Variants in NUFIP2 observed in about 807,000 individuals in gnomAD.
NUFIP2 encodes the protein nuclear FMR1 interacting protein 2, also known as FMR1-interacting protein NUFIP2.
NUFIP2 carries 6 observed loss-of-function variants against 56.9 expected under a neutral mutation model. The observed-to-expected ratio is 0.11, with a 90% confidence interval of 0.06 to 0.21. The LOEUF (loss-of-function observed/expected upper bound fraction) is 0.21, where lower values mean the gene tolerates loss of function less well. Among genes scored for constraint, NUFIP2 ranks in the 10% least tolerant of loss-of-function variants. The pLI, the probability that NUFIP2 is intolerant of heterozygous loss-of-function variation, is 1.00. For missense variants in NUFIP2, 828 were observed against 826.8 expected, an observed-to-expected ratio of 1.00 and a Z score of -0.02; for synonymous variants, 321 against 298.2, an observed-to-expected ratio of 1.08 and a Z score of -0.79.
chr17:29,287,901 T>C (rs2069188037), intron 1 of NUFIP2, among the ~76,000 whole-genome samples, 185 bp from the exon 2 acceptor site: 1 of 152,178 alleles, frequency 6.6e-6, no homozygotes, highest in African/African-American at 2.4e-5. Flanking sequence ...AAATGCAACC[T>C]ACTGCTAAGC....
chr17:29,271,486 G>A (rs1270717743), intron 2 of NUFIP2, among the ~76,000 whole-genome samples: 1 of 151,366 alleles, frequency 6.6e-6, no homozygotes, highest in Non-Finnish European at 1.5e-5. Context: ...GCAGTGAGCC[G>A]AGATCGTGCC....
intron 2 of NUFIP2, among the ~76,000 whole-genome samples, chr17:29,283,001 T>A (rs2069149730): frequency 6.6e-6 from 1 of 152,210 alleles, no homozygotes; most frequent in Non-Finnish European, 1.5e-5. Flanking sequence ...GGAACCCAAT[T>A]GAACTGAGTA....
chr17:29,267,686 C>T (rs1467061610), intron 2 of NUFIP2, among the ~76,000 whole-genome samples, 156 bp from the exon 3 acceptor site: 1 of 152,148 alleles, frequency 6.6e-6, no homozygotes, highest in African/African-American at 2.4e-5. Flanking sequence ...ATAAAGCATT[C>T]ATATTTTCCT....
chr17:29,291,589 T>C (rs907265039), intron 1 of NUFIP2, among the ~76,000 whole-genome samples: 2 of 152,242 alleles, frequency 1.3e-5, no homozygotes, highest in Non-Finnish European at 2.9e-5. Flanking sequence ...TTTGGAGGAA[T>C]ACCACCTTGA....
chr17:29,284,702 A>T (rs866432921), intron 2 of NUFIP2, among the ~76,000 whole-genome samples: 1 of 102,020 alleles, frequency 9.8e-6, no homozygotes, highest in South Asian at 3.2e-4. Context: ...GTAAGACTCC[A>T]TCTCAAAAAA....
chr17:29,284,504 G>C (rs1480770566), intron 2 of NUFIP2, among the ~76,000 whole-genome samples: 1 of 151,884 alleles, frequency 6.6e-6, no homozygotes, highest in Non-Finnish European at 1.5e-5. Flanking sequence ...TCAGGAGTTT[G>C]AGACCAGCCT....
Position 29,287,450 on chromosome 17 carries a change from C to T in NUFIP2, c.544G>A (p.Asp182Asn). The T allele has an allele frequency of 6.2e-7, 1 of 1,614,092 alleles. No individual in the cohort carries two copies. Among genetic ancestry groups the T allele is most frequent in the South Asian group, 1.1e-5 (1 of 91,078 alleles). ...ACACCATTTGGAATTGGTATAGTAT[C>T]AGACTTATCTACAGACTGATTCTCT... The part of the protein sequence containing the change: ...SGENQSVDKS[D>N]TIPIPNGVVT... Residue 182 changes from aspartate to asparagine, a missense_variant, in exon 2 of 4, where the codon GAT becomes AAT. Physicochemically the swap from Asp to Asn is conservative, Grantham distance 23. Transcript: ENST00000225388.
At chr17:29,282,076 A>G (rs1239117316) in intron 2 of NUFIP2, among the ~76,000 whole-genome samples, 4 of 151,564 alleles carry the variant, frequency 2.6e-5, no homozygotes, top group African/African-American at 7.3e-5. Context: ...TCCCCTTTTT[A>G]TGCTCTATTG....
At chr17:29,292,822 C>A (rs1236145197) in intron 1 of NUFIP2, among the ~76,000 whole-genome samples, 1 of 148,894 alleles carries the variant, frequency 6.7e-6, no homozygotes, top group Admixed American at 6.7e-5. Flanking sequence ...CCGCCCCTCA[C>A]CCCAGGGACC....
chr17:29,271,436 C>A (rs1176603010), intron 2 of NUFIP2, among the ~76,000 whole-genome samples: 1 of 151,812 alleles, frequency 6.6e-6, no homozygotes, highest in Non-Finnish European at 1.5e-5. Flanking sequence ...ACTGAGCAGG[C>A]TAAGGCAGGA....
At chr17:29,292,588 G>C (rs2069222128) in intron 1 of NUFIP2, among the ~76,000 whole-genome samples, 1 of 150,952 alleles carries the variant, frequency 6.6e-6, no homozygotes, top group Non-Finnish European at 1.5e-5. Flanking sequence ...GCCTCTACCC[G>C]AAATGAATCC....
Position 29,287,532 on chromosome 17 carries a change from G to C in NUFIP2, c.462C>G (p.Phe154Leu). Reference sequence around the variant, plus strand: ...TTTTGTCCATACTGTTTTTCTGAATGAAATTCTTGGTTTTAATTCCTGCTT... The same window carrying C: ...TTTTGTCCATACTGTTTTTCTGAATCAAATTCTTGGTTTTAATTCCTGCTT... Reference protein sequence around the residue: ...FGKAGIKTKNFIQKNSMDKKN... With the variant: ...FGKAGIKTKNLIQKNSMDKKN... The change falls in exon 2 of 4, where the codon TTC (phenylalanine) becomes TTG (leucine). Residue 154 changes from phenylalanine (F) to leucine (L), a missense_variant. Phe to Leu is a conservative substitution (Grantham distance 22). This residue lies in a region of NUFIP2 where 415 missense variants were observed against 408.7 expected (regional missense o/e 1.02). Coordinates refer to ENST00000225388, the MANE Select transcript of NUFIP2 (RefSeq NM_020772.3). The C allele has an allele frequency of 6.2e-7, 1 of 1,613,904 alleles. No homozygotes were observed. The highest frequency in any genetic ancestry group is 2.2e-5 in the East Asian group (1 of 44,870).
intron 2 of NUFIP2, among the ~76,000 whole-genome samples, chr17:29,273,414 C>T (rs1370678001): frequency 6.6e-6 from 1 of 152,142 alleles, no homozygotes; most frequent in Non-Finnish European, 1.5e-5. Context: ...TCAGGTGATC[C>T]ACCCACCTTG....
chr17:29,285,652 T>C (rs1378419873), intron 2 of NUFIP2, among the ~76,000 whole-genome samples: 2 of 151,904 alleles, frequency 1.3e-5, no homozygotes, highest in African/African-American at 4.8e-5. Context: ...AAGGAGAACA[T>C]ATGTTCAATA....
At chr17:29,284,706 C>CAAAAAAAAAAAAAAAAAAAAA (rs66700326) in intron 2 of NUFIP2, among the ~76,000 whole-genome samples, 3 of 53,636 alleles carry the variant, frequency 5.6e-5, no homozygotes, top group Non-Finnish European at 1.0e-4. Context: ...GACTCCATCT[C>CAAAAAAAAAAAAAAAAAAAAA]AAAAAAAAAA....
In NUFIP2 at chr17:29,274,452, A is replaced by G. The variant is rs567826703; in HGVS notation, c.2003-6922T>C. On this transcript the variant is annotated intron_variant, in intron 2 of 3. Coordinates refer to ENST00000225388, the MANE Select transcript of NUFIP2 (RefSeq NM_020772.3). ...CATGCCACTGCACTCCAGCCTGGGC[A>G]ATAAAGTGAGACAACCGTGTCTTAA... Among the ~76,000 whole-genome samples, 5 of 152,366 alleles carry G rather than the reference A, an allele frequency of 3.3e-5. No individual in the cohort carries two copies. The East Asian group carries it at 9.6e-4, about 29-fold the overall frequency.
intron 2 of NUFIP2, among the ~76,000 whole-genome samples, chr17:29,273,497 TACACACACACAC>T (rs61077728): frequency 0.13 from 19,225 of 149,002 alleles, 1,369 homozygotes; most frequent in East Asian, 0.3. Flanking sequence ...TGCTCTCTTC[TACACACACACAC>T]ACACACACAC....
intron 1 of NUFIP2, among the ~76,000 whole-genome samples, chr17:29,290,501 GA>G (rs1198367406): frequency 2.7e-5 from 4 of 146,372 alleles, no homozygotes; most frequent in East Asian, 2.0e-4. Context: ...CTAAAAAAAA[GA>G]AAAAAAAAAT....
intron 2 of NUFIP2, 25 bp downstream of exon 2, chr17:29,285,967 T>A (rs2069170901): frequency 6.4e-7 from 1 of 1,553,360 alleles, no homozygotes; most frequent in African/African-American, 1.4e-5. Flanking sequence ...AATAAAAATC[T>A]TTGTATAGGA....
Sources: gnomAD v4.1 joint callset for allele counts (sites outside exome capture counted in the v4.1 genomes callset) on GRCh38, gnomAD v4.1.1 for gene constraint, gnomAD v4.1.1 regional missense constraint, MANE v1.5 for transcripts, NCBI Gene and HGNC (gene_info 2026-07-23, HGNC 2026-07-21) for gene names.